The following NXN variants were observed in gnomAD, a reference collection of about 807,000 sequenced individuals.
The protein encoded by NXN is nucleoredoxin, also known as nucleoredoxin 1.
A neutral mutation model predicts 48.6 loss-of-function variants in NXN; 16 were observed. That is an observed-to-expected ratio of 0.33 (90% confidence interval 0.22 to 0.50). The LOEUF is 0.50. Among genes scored for constraint, NXN ranks in the 20% least tolerant of loss-of-function variants. The pLI is 0.98. For synonymous variants in NXN, 281 were observed against 269.6 expected, an observed-to-expected ratio of 1.04 and a Z score of -0.41; for missense variants, 492 against 605.5, an observed-to-expected ratio of 0.81 and a Z score of 1.97.
chr17:812,035 C>G (rs1912063001), intron 5 of NXN, among the ~76,000 whole-genome samples: 1 of 149,058 alleles, frequency 6.7e-6, no homozygotes, highest in Non-Finnish European at 1.5e-5. Flanking sequence ...TCACGCCATT[C>G]TCCTGCCTCA....
chr17:910,089 A>T (rs1292472691), intron 1 of NXN, among the ~76,000 whole-genome samples: 2 of 152,076 alleles, frequency 1.3e-5, no homozygotes, highest in Non-Finnish European at 2.9e-5. Flanking sequence ...AACATCCTAC[A>T]CCTCCTAAAT....
At position 849,484 on chromosome 17, in the gene NXN, G is replaced by A. The variant is rs974127467; in HGVS notation, c.361-23406C>T. Among the ~76,000 whole-genome samples, 16 of 152,038 alleles carry A rather than the reference G, an allele frequency of 1.1e-4. No homozygotes were observed. Among genetic ancestry groups the A allele is most frequent in the African/African-American group, 3.4e-4 (14 of 41,432 alleles). ...GGAGGCGGAGGTTGCAGTGAGCTGA[G>A]ATCGCACCACTGCACTCCATCCTGG... is the stretch of plus-strand genomic sequence containing the variant. On this transcript the variant is annotated intron_variant, in intron 1 of 7. Transcript: ENST00000336868. This position sits in a 1 kb window ranked among gnomAD's most constrained non-coding sequence, Gnocchi z 4.2.
chr17:925,783 G>A (rs1033279018), intron 1 of NXN, among the ~76,000 whole-genome samples: 2 of 152,124 alleles, frequency 1.3e-5, no homozygotes, highest in Non-Finnish European at 1.5e-5. Context: ...TCATACAAAC[G>A]TTGCCCTGGC....
chr17:960,245 C>T (rs144051895), intron 1 of NXN, among the ~76,000 whole-genome samples: 4 of 152,348 alleles, frequency 2.6e-5, no homozygotes, highest in African/African-American at 9.6e-5. Flanking sequence ...ACAGTGCCAT[C>T]TATAATCATG....
chr17:930,747 C>T (rs11867490), intron 1 of NXN, among the ~76,000 whole-genome samples: 41,589 of 149,968 alleles, frequency 0.28, 6,773 homozygotes, highest in East Asian at 0.43. Context: ...TGGTGGTATA[C>T]CAAGAGGACA....
At chr17:818,430 G>C (rs939302625) in intron 5 of NXN, among the ~76,000 whole-genome samples, 1 of 151,866 alleles carries the variant, frequency 6.6e-6, no homozygotes, top group African/African-American at 2.4e-5. Flanking sequence ...ATTCTCTGTG[G>C]CAAAGCTTTA....
At chr17:847,190 C>G (rs1264974837) in intron 1 of NXN, among the ~76,000 whole-genome samples, 2 of 151,966 alleles carry the variant, frequency 1.3e-5, no homozygotes, top group Non-Finnish European at 2.9e-5. Context: ...CAGCTCCCTT[C>G]TCAATTTCCT....
At chr17:929,745 C>A (rs1002551218) in intron 1 of NXN, 3 of 152,110 alleles carry the variant, frequency 2.0e-5, no homozygotes, top group Admixed American at 6.6e-5. Flanking sequence ...TGCAAAGCAG[C>A]TGGGCTGCTC....
intron 1 of NXN, among the ~76,000 whole-genome samples, chr17:851,880 G>A (rs8071508): frequency 0.032 from 4,841 of 152,282 alleles, 250 homozygotes; most frequent in African/African-American, 0.11. Flanking sequence ...AGCGGAGGTC[G>A]GCTTTCTCTA....
At chr17:810,847 C>T (rs1911954218) in intron 5 of NXN, among the ~76,000 whole-genome samples, 1 of 152,112 alleles carries the variant, frequency 6.6e-6, no homozygotes, top group African/African-American at 2.4e-5. Context: ...GGAGATCTTG[C>T]CACTGCACTC....
At chr17:820,932 A>C (rs145992407) in intron 4 of NXN, among the ~76,000 whole-genome samples, 5,714 of 67,922 alleles carry the variant, frequency 0.084, 2,620 homozygotes, top group African/African-American at 0.47. Flanking sequence ...TAAAAAAAAA[A>C]AAAAAAACAA....
chr17:875,302 G>A (rs1320722325), intron 1 of NXN, among the ~76,000 whole-genome samples: 1 of 152,186 alleles, frequency 6.6e-6, no homozygotes, highest in South Asian at 2.1e-4. Flanking sequence ...AACCTACTGG[G>A]ATTACAGGCG....
chr17:803,114 C>A (rs1911294582), intron 7 of NXN, among the ~76,000 whole-genome samples: 1 of 152,196 alleles, frequency 6.6e-6, no homozygotes, highest in African/African-American at 2.4e-5. Context: ...GGGCGCTCTG[C>A]TGAAAGCCCC....
Position 814,924 on chromosome 17 carries a change from C to A in NXN, c.820+4515G>T, listed in dbSNP as rs146520405. ...GGGATTATAGGTGACCACCACCACG[C>A]CTGGCTAATTTTTGTATTTTTAGTA... On this transcript the variant is annotated intron_variant, in intron 5 of 7. Coordinates refer to ENST00000336868, the MANE Select transcript of NXN (RefSeq NM_022463.5). 3.9e-5 allele frequency among the ~76,000 whole-genome samples: 6 copies of A among 152,294 alleles called. No homozygotes were observed. The East Asian group carries it at 1.2e-3, about 29-fold the overall frequency.
intron 2 of NXN, among the ~76,000 whole-genome samples, chr17:824,003 C>G (rs1435089685): frequency 6.6e-6 from 1 of 151,824 alleles, no homozygotes; most frequent in Non-Finnish European, 1.5e-5. Context: ...GTTCCCAAAC[C>G]TGGATGGGTC....
chr17:820,175 C>T (rs1339695223), intron 4 of NXN, among the ~76,000 whole-genome samples: 1 of 152,142 alleles, frequency 6.6e-6, no homozygotes, highest in Non-Finnish European at 1.5e-5. Context: ...GTCAGCTGAA[C>T]TGTGTACCTT....
intron 1 of NXN, among the ~76,000 whole-genome samples, chr17:901,548 G>A (rs1304835176): frequency 6.6e-6 from 1 of 152,092 alleles, no homozygotes; most frequent in Non-Finnish European, 1.5e-5. Context: ...ACAGTCATGG[G>A]ATTCAAGGAC....
rs745905020 is a variant in NXN, at chr17:958,700, A to T, written c.360+20619T>A. ...GCAGGAGAATCACCGAGGCGGAGGT[A>T]GAAGTGAGCCCAGATTGTGCCACTG... On this transcript the variant is annotated intron_variant, in intron 1 of 7. Transcript: ENST00000336868. This position sits in a 1 kb window ranked among gnomAD's most constrained non-coding sequence, Gnocchi z 6.9. 4.6e-5 allele frequency among the ~76,000 whole-genome samples: 7 copies of T among 152,136 alleles called. No individual in the cohort carries two copies. Among genetic ancestry groups the T allele is most frequent in the Non-Finnish European group, 1.0e-4 (7 of 68,032 alleles).
rs908158848 is a variant in NXN, at chr17:920,108, C to A, written c.360+59211G>T. Among the ~76,000 whole-genome samples the A allele has an allele frequency of 1.3e-5, 2 of 152,110 alleles. No individual in the cohort carries two copies. The highest frequency in any genetic ancestry group is 2.9e-5 in the Non-Finnish European group (2 of 68,018). Reference sequence around the variant, plus strand: ...GGAGACAAGGTTTCGCCATGTTGCCCAGGCTGGTCTTGAACTCCTGGGCTC... The same window carrying A: ...GGAGACAAGGTTTCGCCATGTTGCCAAGGCTGGTCTTGAACTCCTGGGCTC... On this transcript the variant is annotated intron_variant, in intron 1 of 7. Coordinates refer to ENST00000336868, the MANE Select transcript of NXN (RefSeq NM_022463.5). This position sits in a 1 kb window ranked among gnomAD's most constrained non-coding sequence, Gnocchi z 4.6.
Sources: gnomAD v4.1 joint callset for allele counts (sites outside exome capture counted in the v4.1 genomes callset) on GRCh38, gnomAD v4.1.1 for gene constraint, Gnocchi (gnomAD v3.1) non-coding constraint, MANE v1.5 for transcripts, NCBI Gene and HGNC (gene_info 2026-07-23, HGNC 2026-07-21) for gene names.